Variants in RBMS1 observed in about 807,000 individuals in gnomAD.
The protein encoded by RBMS1 is RNA-binding motif, single-stranded-interacting protein 1.
A neutral mutation model predicts 62.3 loss-of-function variants in RBMS1; 17 were observed. That is an observed-to-expected ratio of 0.27 (90% CI 0.19 to 0.41). The LOEUF (loss-of-function observed/expected upper bound fraction) is 0.41. RBMS1 is among the 10% of genes least tolerant of loss of function. The pLI is 1.00. For synonymous variants in RBMS1, 172 were observed against 170.0 expected (o/e 1.01, Z -0.09); for missense variants, 334 against 504.5 (o/e 0.66, Z 3.24).
chr2:160,426,272 A>AGAAAGAAAGAAAGAAAGAAAGAAAGAAAG, intron 1 of RBMS1, among the ~76,000 whole-genome samples: 1 of 127,328 alleles, frequency 7.9e-6, no homozygotes, highest in Non-Finnish European at 1.7e-5. Context: ...AAAGAAAGAA[A>AGAAAGAAAGAAAGAAAGAAAGAAAGAAAG]GAAAGAAAGA....
intron 2 of RBMS1, among the ~76,000 whole-genome samples, chr2:160,340,681 A>C (rs1691820385): frequency 6.6e-6 from 1 of 152,302 alleles, no homozygotes; most frequent in South Asian, 2.1e-4. Flanking sequence ...AGAAAAAAAA[A>C]CCTAGCAAAA....
chr2:160,385,213 T>C (rs908122238), intron 1 of RBMS1, among the ~76,000 whole-genome samples: 3 of 152,132 alleles, frequency 2.0e-5, no homozygotes, highest in Admixed American at 1.3e-4. Context: ...ACAATGTTCA[T>C]CTCTAAATTT....
chr2:160,297,566 T>C (rs1689003623), intron 6 of RBMS1, among the ~76,000 whole-genome samples: 1 of 152,246 alleles, frequency 6.6e-6, no homozygotes, highest in Non-Finnish European at 1.5e-5. Flanking sequence ...CTGACACATG[T>C]AAACATGTTA....
chr2:160,454,891 TG>T (rs1480465700), intron 1 of RBMS1, among the ~76,000 whole-genome samples: 2 of 152,242 alleles, frequency 1.3e-5, no homozygotes, highest in African/African-American at 4.8e-5. Context: ...TCCATTTATT[TG>T]ATTTTTCAGT....
At chr2:160,305,918 T>G (rs1312277775) in intron 4 of RBMS1, among the ~76,000 whole-genome samples, 1 of 152,098 alleles carries the variant, frequency 6.6e-6, no homozygotes, top group East Asian at 1.9e-4. Flanking sequence ...GAGGATCATT[T>G]GGGACCAAGA....
chr2:160,369,895 A>G (rs947262360), intron 1 of RBMS1, among the ~76,000 whole-genome samples: 1 of 152,214 alleles, frequency 6.6e-6, no homozygotes, highest in Non-Finnish European at 1.5e-5. Context: ...TTTAGACATG[A>G]AAGTAGTAGG....
At chr2:160,298,634 C>G (rs1369143736) in intron 6 of RBMS1, among the ~76,000 whole-genome samples, 4 of 152,096 alleles carry the variant, frequency 2.6e-5, no homozygotes, top group Non-Finnish European at 5.9e-5. Flanking sequence ...GAGGGGCCAG[C>G]AGTCCCAAAT....
At chr2:160,405,587 G>T (rs1389986723) in intron 1 of RBMS1, among the ~76,000 whole-genome samples, 1 of 152,158 alleles carries the variant, frequency 6.6e-6, no homozygotes, top group Non-Finnish European at 1.5e-5. Flanking sequence ...CCGGGGTCTT[G>T]TGTCTGTATA....
At position 160,400,672 on chromosome 2, in the gene RBMS1, A is replaced by G. The variant is rs60685069; in HGVS notation, c.76-33281T>C. On this transcript the variant is annotated intron_variant, in intron 1 of 13. Coordinates refer to ENST00000348849, the MANE Select transcript of RBMS1 (RefSeq NM_016836.4). Reference sequence around the variant, plus strand: ...AGCTACGTTTCCCCCTCACTAACTCATGTACATAAATTTGTGCCTTAAAAA... The same window carrying G: ...AGCTACGTTTCCCCCTCACTAACTCGTGTACATAAATTTGTGCCTTAAAAA... Among the ~76,000 whole-genome samples, 2,602 of 152,262 alleles carry G rather than the reference A, an allele frequency of 0.017. 196 individuals are homozygous for G. In the East Asian group the frequency reaches 0.23, roughly 14 times the overall value.
intron 2 of RBMS1, among the ~76,000 whole-genome samples, chr2:160,324,933 CACACAT>C (rs1690836726): frequency 1.4e-5 from 2 of 144,366 alleles, no homozygotes; most frequent in African/African-American, 5.3e-5. Flanking sequence ...CACACACACA[CACACAT>C]ATATATGCGC....
rs764575310 is a variant in RBMS1 at position 160,444,336 on chromosome 2, G to A, written c.75+48953C>T. Reference sequence around the variant, plus strand: ...CATTTGATATGTAAACATAAAGTACGTGGAAACCACATACATAAAATCATA... The same window carrying A: ...CATTTGATATGTAAACATAAAGTACATGGAAACCACATACATAAAATCATA... On this transcript the variant is annotated intron_variant, in intron 1 of 13. Coordinates refer to ENST00000348849, the MANE Select transcript of RBMS1 (RefSeq NM_016836.4). Among the ~76,000 whole-genome samples the A allele has an allele frequency of 1.2e-4, 19 of 152,256 alleles. No homozygotes were observed. In the East Asian group the frequency reaches 1.3e-3, roughly 11 times the overall value.
chr2:160,359,565 A>C (rs1693011461), intron 2 of RBMS1, among the ~76,000 whole-genome samples: 1 of 152,178 alleles, frequency 6.6e-6, no homozygotes, highest in Non-Finnish European at 1.5e-5. Flanking sequence ...CTCCTATTTC[A>C]GGTAATTTCT....
chr2:160,485,314 C>G (rs1354617205), intron 1 of RBMS1, among the ~76,000 whole-genome samples: 1 of 152,124 alleles, frequency 6.6e-6, no homozygotes, highest in African/African-American at 2.4e-5. Context: ...AAGGGCAAAG[C>G]CTTGTTGAAA....
chr2:160,278,972 G>T, intron 10 of RBMS1: 1 of 206,954 alleles, frequency 4.8e-6, no homozygotes, highest in Non-Finnish European at 9.7e-6. Flanking sequence ...AGCTAGTCCA[G>T]CAGGAGGAGC....
intron 2 of RBMS1, among the ~76,000 whole-genome samples, chr2:160,324,013 A>T (rs1573859780): frequency 6.6e-6 from 1 of 152,354 alleles, no homozygotes; most frequent in Admixed American, 6.5e-5. Flanking sequence ...TGCACTTAGT[A>T]TATAAAGCTT....
Position 160,439,042 on chromosome 2 carries a change from C to T in RBMS1, c.75+54247G>A, listed in dbSNP as rs1452434115. On this transcript the variant is annotated intron_variant, in intron 1 of 13. Coordinates refer to ENST00000348849, the MANE Select transcript of RBMS1 (RefSeq NM_016836.4). ...CTGACCCCCCAATCTCCCTCCTGGACGGGGCAGCTGGCCGAGCAGAGGGGC... is the reference window on the plus strand; with the variant it reads ...CTGACCCCCCAATCTCCCTCCTGGATGGGGCAGCTGGCCGAGCAGAGGGGC... 2.7e-5 allele frequency among the ~76,000 whole-genome samples: 4 copies of T among 147,520 alleles called. No homozygotes were observed. In the South Asian group the frequency reaches 8.6e-4, roughly 32 times the overall value.
At chr2:160,308,397 AAAAAC>A (rs530401245) in intron 4 of RBMS1, among the ~76,000 whole-genome samples, 54 of 152,014 alleles carry the variant, frequency 3.6e-4, no homozygotes, top group Middle Eastern at 3.4e-3. Context: ...TCTGGTCTCA[AAAAAC>A]AAAACAAAAC....
chr2:160,389,481 T>C (rs1694745023), intron 1 of RBMS1, among the ~76,000 whole-genome samples: 1 of 152,022 alleles, frequency 6.6e-6, no homozygotes, highest in African/African-American at 2.4e-5. Flanking sequence ...GTGGATCACC[T>C]GAGGTCAGGA....
At chr2:160,329,839 T>C (rs1242111063) in intron 2 of RBMS1, among the ~76,000 whole-genome samples, 2 of 151,920 alleles carry the variant, frequency 1.3e-5, no homozygotes, top group African/African-American at 4.8e-5. Context: ...AAACCTTGCA[T>C]AATAGGAGAG....
Sources: gnomAD v4.1 joint callset for allele counts (sites outside exome capture counted in the v4.1 genomes callset) on GRCh38, gnomAD v4.1.1 for gene constraint, MANE v1.5 for transcripts, NCBI Gene and HGNC (gene_info 2026-07-23, HGNC 2026-07-21) for gene names.